CD1B: variants seen among roughly 807,000 people sequenced by gnomAD.
The protein encoded by CD1B is T-cell surface glycoprotein CD1b.
Under a neutral mutation model 39.8 loss-of-function variants are expected in CD1B, and 43 were observed. That is an observed-to-expected ratio of 1.08 (90% CI 0.85 to 1.39). The LOEUF is 1.39. Ranked by LOEUF, CD1B falls within the 40% of genes most tolerant of loss-of-function variation. The pLI, the probability that CD1B is intolerant of heterozygous loss-of-function variation, is 0.00. For missense variants in CD1B, 495 were observed against 403.8 expected (o/e 1.23, Z -1.94); for synonymous variants, 192 against 152.5 (o/e 1.26, Z -1.91).
chr1:158,325,753 T>C (rs972578019), downstream of CD1B, among the ~76,000 whole-genome samples: 2 of 152,126 alleles, frequency 1.3e-5, no homozygotes, highest in African/African-American at 2.4e-5. Context: ...TATATAAGAT[T>C]TACCATTTTG....
At chr1:158,309,627 T>C in the CD1B span, among the ~76,000 whole-genome samples, 56 of 152,206 alleles carry the variant, frequency 3.7e-4, no homozygotes, top group Non-Finnish European at 7.5e-4. Context: ...GTGGCACATA[T>C]ACACCATGGA....
At chr1:158,331,243 G>C (rs1439834321) in intron 1 of CD1B, 120 bp downstream of exon 1, 4 of 1,110,490 alleles carry the variant, frequency 3.6e-6, no homozygotes. Context: ...AATGGTTGAA[G>C]AGGGCGGGAG....
At chr1:158,310,949 GGT>G in the CD1B span, among the ~76,000 whole-genome samples, 1 of 151,924 alleles carries the variant, frequency 6.6e-6, no homozygotes, top group Admixed American at 6.6e-5. Context: ...ACTACCTATG[GGT>G]ACTATGCTCA....
intron 2 of CD1B, 52 bp downstream of exon 2, chr1:158,330,744 G>A (rs1394561923): frequency 6.3e-7 from 1 of 1,579,886 alleles, no homozygotes; most frequent in East Asian, 2.2e-5. Flanking sequence ...TTGCAAAAAA[G>A]AGAGAAAAGA....
At chr1:158,330,203 T>A (rs1652542279) in intron 2 of CD1B, 73 bp from the exon 3 acceptor site, 2 of 1,393,414 alleles carry the variant, frequency 1.4e-6, no homozygotes, top group South Asian at 2.8e-5. Flanking sequence ...GAACCTAGGA[T>A]TTTAGATTTT....
At chr1:158,295,141 A>G in the CD1B span, among the ~76,000 whole-genome samples, 1 of 152,156 alleles carries the variant, frequency 6.6e-6, no homozygotes, top group East Asian at 1.9e-4. Flanking sequence ...GGGAGAAGAG[A>G]CAAGATGGCT....
chr1:158,294,270 C>T, the CD1B span, among the ~76,000 whole-genome samples: 7 of 152,156 alleles, frequency 4.6e-5, no homozygotes, highest in African/African-American at 1.2e-4. Context: ...AGACAAATTT[C>T]CTAAAGGACT....
chr1:158,328,745 G>A (rs771517361), intron 5 of CD1B, among the ~76,000 whole-genome samples, 176 bp downstream of exon 5: 1 of 152,124 alleles, frequency 6.6e-6, no homozygotes, highest in East Asian at 1.9e-4. Context: ...CTTATGTTAT[G>A]TGTATTTTAA....
the CD1B span, among the ~76,000 whole-genome samples, chr1:158,322,717 G>T: frequency 6.6e-6 from 1 of 151,914 alleles, no homozygotes; most frequent in South Asian, 2.1e-4. Flanking sequence ...GCTTTTGTTT[G>T]TCTGGAAGAG....
intron 3 of CD1B, 45 bp downstream of exon 3, chr1:158,329,807 G>C (rs757390381): frequency 6.3e-7 from 1 of 1,584,104 alleles, no homozygotes; most frequent in Non-Finnish European, 8.6e-7. Context: ...TCCTACTCTT[G>C]ATCTTAGAGG....
At chr1:158,291,119 T>A in the CD1B span, 2 of 1,609,224 alleles carry the variant, frequency 1.2e-6, no homozygotes, top group Non-Finnish European at 1.7e-6. Flanking sequence ...CTACTTGCCC[T>A]TCTTCCACCA....
At chr1:158,291,126 AC>A in the CD1B span, 1 of 1,595,338 alleles carries the variant, frequency 6.3e-7, no homozygotes, top group East Asian at 2.3e-5. Context: ...CCCTTCTTCC[AC>A]CAAAAGCATC....
the CD1B span, among the ~76,000 whole-genome samples, chr1:158,322,417 G>GTTTT: frequency 2.2e-5 from 3 of 135,728 alleles, no homozygotes; most frequent in African/African-American, 5.5e-5. Flanking sequence ...TTTTTTTTCT[G>GTTTT]TTTTTTTTTT....
At chr1:158,298,223 C>G in the CD1B span, among the ~76,000 whole-genome samples, 79 of 152,244 alleles carry the variant, frequency 5.2e-4, 1 homozygote, top group Admixed American at 3.0e-3. Flanking sequence ...GCACCCAACA[C>G]AGGAGCACAC....
At chr1:158,292,262 G>GT in the CD1B span, 1 of 1,614,204 alleles carries the variant, frequency 6.2e-7, no homozygotes, top group Non-Finnish European at 8.5e-7. Flanking sequence ...TCAATCATCA[G>GT]TATGAAGGCG....
downstream of CD1B, among the ~76,000 whole-genome samples, chr1:158,326,262 A>T (rs867563400): frequency 1.3e-5 from 2 of 152,176 alleles, no homozygotes; most frequent in African/African-American, 2.4e-5. Flanking sequence ...GTGAGCCACC[A>T]TGCCCGGCCC....
At chr1:158,323,098 T>C (rs1363619751), downstream of CD1B, among the ~76,000 whole-genome samples, 1 of 152,162 alleles carries the variant, frequency 6.6e-6, no homozygotes, top group Non-Finnish European at 1.5e-5. Context: ...CTTGTCTTTT[T>C]CTGTACCCTC....
the CD1B span, among the ~76,000 whole-genome samples, chr1:158,303,747 A>G: frequency 2.0e-5 from 3 of 152,216 alleles, no homozygotes; most frequent in Non-Finnish European, 4.4e-5. Flanking sequence ...CAAGAATTAT[A>G]AAGCACTGCT....
downstream of CD1B, among the ~76,000 whole-genome samples, chr1:158,325,640 TACACACACACACAC>T (rs57890038): frequency 2.0e-5 from 3 of 148,986 alleles, no homozygotes; most frequent in Non-Finnish European, 3.0e-5. Context: ...ATACATTTTA[TACACACACACACAC>T]ACACACACAC....
Sources: allele counts gnomAD v4.1 joint callset (sites outside exome capture counted in the v4.1 genomes callset), GRCh38; gene constraint gnomAD v4.1.1; transcripts MANE v1.5; gene names NCBI Gene and HGNC (gene_info 2026-07-23, HGNC 2026-07-21).